ESCO1: variants seen among roughly 807,000 people sequenced by gnomAD.
ESCO1 encodes establishment of sister chromatid cohesion N-acetyltransferase 1, also known as N-acetyltransferase ESCO1.
Under a neutral mutation model 83.5 loss-of-function variants are expected in ESCO1, and 33 were observed. That is an observed-to-expected ratio of 0.40 (90% CI 0.30 to 0.53). ESCO1 has a LOEUF of 0.53. Among genes scored for constraint, ESCO1 ranks in the 20% least tolerant of loss-of-function variants. ESCO1 has a pLI of 0.63. For synonymous variants in ESCO1, 332 were observed against 324.3 expected (o/e 1.02, Z -0.25); for missense variants, 855 against 968.0 (o/e 0.88, Z 1.55).
intron 8 of ESCO1, among the ~76,000 whole-genome samples, chr18:21,545,531 C>T (rs1451708165): frequency 1.3e-5 from 2 of 150,540 alleles, no homozygotes; most frequent in African/African-American, 4.9e-5. Context: ...CGAGATCACA[C>T]CATTGCACTC....
At chr18:21,595,920 C>A (rs192351855) in intron 1 of ESCO1, among the ~76,000 whole-genome samples, 1 of 151,744 alleles carries the variant, frequency 6.6e-6, no homozygotes. Flanking sequence ...GCGGAGATCA[C>A]GCCACTGCAC....
intron 8 of ESCO1, among the ~76,000 whole-genome samples, chr18:21,555,916 C>A (rs970264151): frequency 1.3e-5 from 2 of 150,582 alleles, no homozygotes; most frequent in African/African-American, 4.9e-5. Flanking sequence ...GCTATGATTG[C>A]GCCACTGCAT....
At chr18:21,586,675 C>A (rs1056830788) in intron 1 of ESCO1, among the ~76,000 whole-genome samples, 11 of 152,138 alleles carry the variant, frequency 7.2e-5, no homozygotes, top group African/African-American at 2.4e-4. Context: ...CAGGTAAGAT[C>A]ATGTCATCTG....
intron 6 of ESCO1, among the ~76,000 whole-genome samples, chr18:21,565,249 C>T (rs2146202555): frequency 6.6e-6 from 1 of 152,234 alleles, no homozygotes; most frequent in Admixed American, 6.5e-5. Context: ...CTAAGTCATT[C>T]CAATTTGTAC....
At position 21,567,990 on chromosome 18, in the gene ESCO1, A is replaced by T; in HGVS notation, c.1635T>A (p.Asn545Lys). 1 of 1,610,302 alleles carries T rather than the reference A, an allele frequency of 6.2e-7. No homozygotes were observed. The highest frequency in any genetic ancestry group is 8.5e-7 in the Non-Finnish European group (1 of 1,178,286). ...TTTCCAAAGTATTACCTGGAAATTT[A>T]TTCTCTCCTGTATCAATTTTTGCTT... The part of the protein sequence containing the change: ...LSQAKIDTGE[N>K]KFPGSAPQQH... The change falls in exon 5 of 12, where the codon AAT (asparagine) becomes AAA (lysine). Residue 545 changes from asparagine to lysine, a missense_variant. This residue lies in a region of ESCO1 where 726 missense variants were observed against 699.5 expected (regional missense o/e 1.04). Coordinates refer to ENST00000269214, the MANE Select transcript of ESCO1 (RefSeq NM_052911.3).
intron 1 of ESCO1, among the ~76,000 whole-genome samples, chr18:21,595,110 G>A (rs2038743263): frequency 2.0e-5 from 3 of 151,760 alleles, no homozygotes; most frequent in African/African-American, 7.3e-5. Flanking sequence ...GCCTCCCAAG[G>A]TGCTAGGATC....
At chr18:21,594,623 G>A (rs1184392387) in intron 1 of ESCO1, among the ~76,000 whole-genome samples, 1 of 151,278 alleles carries the variant, frequency 6.6e-6, no homozygotes, top group Admixed American at 6.6e-5. Context: ...AGAATGGTGT[G>A]AACCCAGGAG....
intron 2 of ESCO1, among the ~76,000 whole-genome samples, chr18:21,582,974 C>G (rs1598476390): frequency 6.6e-6 from 1 of 151,816 alleles, no homozygotes; most frequent in Non-Finnish European, 1.5e-5. Context: ...TGCGAATCAC[C>G]TGAGGTCAGG....
At chr18:21,592,731 G>A (rs1424319130) in intron 1 of ESCO1, among the ~76,000 whole-genome samples, 261 of 144,220 alleles carry the variant, frequency 1.8e-3, no homozygotes, top group Middle Eastern at 4.4e-3. Context: ...GCTGCCGGGC[G>A]GAGGGGCTCC....
In ESCO1 at chr18:21,535,238, G is replaced by A. The variant is rs935891283; in HGVS notation, c.2187+804C>T. On this transcript the variant is annotated intron_variant, in intron 10 of 11. Coordinates refer to ENST00000269214, the MANE Select transcript of ESCO1 (RefSeq NM_052911.3). ...TCTGATTTTTTTTTTTTTTTGAGAC[G>A]GAGTCTCACTCTGTCACCCAGGCTG... 7.4e-5 allele frequency among the ~76,000 whole-genome samples: 11 copies of A among 149,138 alleles called. No homozygotes were observed. The East Asian group carries it at 7.9e-4, about 11-fold the overall frequency.
Position 21,546,914 on chromosome 18 carries a change from T to C in ESCO1, c.1954-6905A>G, listed in dbSNP as rs185172826. Among the ~76,000 whole-genome samples the C allele has an allele frequency of 7.5e-3, 1,149 of 152,306 alleles. 7 individuals are homozygous for C. The highest frequency in any genetic ancestry group is 0.01 in the Non-Finnish European group (686 of 68,024). The stretch of plus-strand genomic sequence containing the variant: ...GTCATTCATGATCCGGTCCCCCATT[T>C]ACCTCTTTCAGCCTTATCTCTTGCA... On this transcript the variant is annotated intron_variant, in intron 8 of 11. Coordinates refer to ENST00000269214, the MANE Select transcript of ESCO1 (RefSeq NM_052911.3).
intron 1 of ESCO1, among the ~76,000 whole-genome samples, chr18:21,586,929 G>T (rs758223850): frequency 1.3e-5 from 2 of 152,054 alleles, no homozygotes; most frequent in African/African-American, 4.8e-5. Context: ...TTTCTAGTTT[G>T]TTGAGCAGTT....
At chr18:21,577,922 C>A (rs1169373469) in intron 2 of ESCO1, among the ~76,000 whole-genome samples, 2 of 152,160 alleles carry the variant, frequency 1.3e-5, no homozygotes, top group Admixed American at 6.5e-5. Context: ...CAAGCCTATA[C>A]CTTCTACTAA....
intron 4 of ESCO1, among the ~76,000 whole-genome samples, 177 bp downstream of exon 4, chr18:21,573,137 G>C (rs1034700869): frequency 2.0e-5 from 3 of 152,158 alleles, no homozygotes; most frequent in Non-Finnish European, 4.4e-5. Context: ...GTAAATGTGA[G>C]ACATCTGAAG....
At chr18:21,546,116 CAGTAT>C (rs1465501704) in intron 8 of ESCO1, among the ~76,000 whole-genome samples, 2 of 152,184 alleles carry the variant, frequency 1.3e-5, no homozygotes, top group African/African-American at 2.4e-5. Context: ...ATTATCTTGG[CAGTAT>C]AGCATAGTGG....
intron 7 of ESCO1, among the ~76,000 whole-genome samples, chr18:21,563,471 C>T (rs1487160484): frequency 6.6e-6 from 1 of 152,150 alleles, no homozygotes; most frequent in Non-Finnish European, 1.5e-5. Flanking sequence ...CCTCAGATTC[C>T]TAAGTAGCTG....
chr18:21,592,835 G>T (rs76257578), intron 1 of ESCO1, among the ~76,000 whole-genome samples: 61,099 of 133,420 alleles, frequency 0.46, 17,423 homozygotes, highest in Non-Finnish European at 0.63. Flanking sequence ...CTTCTCAGAC[G>T]GGGCGGTTGC....
At chr18:21,538,287 TAAAAAA>T (rs34369531) in intron 9 of ESCO1, among the ~76,000 whole-genome samples, 17 of 124,722 alleles carry the variant, frequency 1.4e-4, no homozygotes, top group East Asian at 7.0e-4. Flanking sequence ...CCCTGTCTCT[TAAAAAA>T]AAAAAAAAAA....
chr18:21,559,561 A>G (rs1366852528), intron 8 of ESCO1, among the ~76,000 whole-genome samples: 3 of 152,254 alleles, frequency 2.0e-5, no homozygotes, highest in Admixed American at 6.5e-5. Flanking sequence ...AATGATCACC[A>G]GAATTGAATA....
Sources: gnomAD v4.1 joint callset for allele counts (sites outside exome capture counted in the v4.1 genomes callset) on GRCh38, gnomAD v4.1.1 for gene constraint, gnomAD v4.1.1 regional missense constraint, MANE v1.5 for transcripts, NCBI Gene and HGNC (gene_info 2026-07-23, HGNC 2026-07-21) for gene names.